The following KALRN variants were observed in gnomAD, a reference collection of about 807,000 sequenced individuals.
KALRN encodes the protein kalirin.
A neutral mutation model predicts 353.7 loss-of-function variants in KALRN; 70 were observed. That is an observed-to-expected ratio of 0.20 (90% CI 0.16 to 0.24). The LOEUF is 0.24. KALRN is among the 10% of genes least tolerant of loss of function. The probability of loss-of-function intolerance (pLI) is 1.00; values close to 1 mark genes in which losing one functional copy is unlikely to be tolerated. For missense variants in KALRN, 2,791 were observed against 3,756.7 expected (o/e 0.74, Z 6.72); for synonymous variants, 1,391 against 1,434.8 (o/e 0.97, Z 0.69).
intron 33 of KALRN, among the ~76,000 whole-genome samples, chr3:124,532,650 A>G (rs2068140284): frequency 6.6e-6 from 1 of 152,058 alleles, no homozygotes; most frequent in South Asian, 2.1e-4. Context: ...TACTAAAAAT[A>G]CAAAAAATTA....
chr3:124,122,651 G>A (rs1396816896), intron 1 of KALRN, among the ~76,000 whole-genome samples: 1 of 151,948 alleles, frequency 6.6e-6, no homozygotes, highest in African/African-American at 2.4e-5. Context: ...ATGATTGGGG[G>A]CACCACAAAC....
chr3:124,488,430 G>T, intron 29 of KALRN, 115 bp downstream of exon 29: 1 of 729,776 alleles, frequency 1.4e-6, no homozygotes, highest in Non-Finnish European at 2.4e-6. Flanking sequence ...GAAGAGAGAA[G>T]AAATGACAAG....
intron 5 of KALRN, among the ~76,000 whole-genome samples, chr3:124,286,829 C>T (rs987098469): frequency 1.3e-5 from 2 of 152,066 alleles, no homozygotes; most frequent in Admixed American, 6.6e-5. Flanking sequence ...CTTCTATAGA[C>T]AATTTTATTG....
At position 124,632,695 on chromosome 3, in the gene KALRN, G is replaced by A. The variant is rs768175968; in HGVS notation, c.5458G>A (p.Ala1820Thr). 41 of 1,613,644 alleles carry A rather than the reference G, an allele frequency of 2.5e-5. No individual in the cohort carries two copies. Among genetic ancestry groups the A allele is most frequent in the African/African-American group, 1.3e-4 (10 of 74,896 alleles). Residue 1820 changes from alanine (A) to threonine (T), a missense_variant, in exon 35 of 60, where the codon GCT becomes ACT. Ala to Thr is a moderately conservative substitution (Grantham distance 58). Around this residue, in one of 11 missense-constraint regions of KALRN, gnomAD observed 1,065 missense variants for 1,156.4 expected, o/e 0.92. Transcript: ENST00000682506. Reference sequence around the variant, plus strand: ...TGAAACAACCCCTCAGGGAGACAGCGCTGATGAGGTACTTACAGGGGGCCC... The same window carrying A: ...TGAAACAACCCCTCAGGGAGACAGCACTGATGAGGTACTTACAGGGGGCCC... ...GDETTPQGDS[A>T]DESKKGWGED...
At chr3:124,564,531 G>C (rs527349193) in intron 34 of KALRN, among the ~76,000 whole-genome samples, 7 of 152,036 alleles carry the variant, frequency 4.6e-5, no homozygotes, top group African/African-American at 1.7e-4. Context: ...AAAAATTTTA[G>C]CCAGGCATGG....
At chr3:124,448,293 C>T (rs746910927) in intron 21 of KALRN, among the ~76,000 whole-genome samples, 7 of 151,926 alleles carry the variant, frequency 4.6e-5, no homozygotes, top group Non-Finnish European at 8.8e-5. Flanking sequence ...TTGGTCTTTC[C>T]TTCCTTCCAA....
intron 55 of KALRN, 86 bp from the exon 56 acceptor site, chr3:124,699,783 A>C: frequency 7.6e-7 from 1 of 1,311,672 alleles, no homozygotes; most frequent in Non-Finnish European, 1.1e-6. Flanking sequence ...GAATGTGTCT[A>C]TTTTCCTGTC....
chr3:124,136,495 C>G (rs114614077), intron 1 of KALRN, among the ~76,000 whole-genome samples: 7 of 152,122 alleles, frequency 4.6e-5, no homozygotes, highest in Non-Finnish European at 8.8e-5. Flanking sequence ...AAGGTCCCCC[C>G]CCCATTGATT....
intron 29 of KALRN, 43 bp from the exon 30 acceptor site, chr3:124,490,651 G>A (rs771846839): frequency 1.3e-6 from 2 of 1,579,492 alleles, no homozygotes. Flanking sequence ...CCCTGACTGT[G>A]GCAGTAGAGA....
chr3:124,301,191 T>C (rs2077237505), intron 6 of KALRN, among the ~76,000 whole-genome samples: 1 of 152,238 alleles, frequency 6.6e-6, no homozygotes, highest in Non-Finnish European at 1.5e-5. Context: ...TTTTGAATTA[T>C]CTGTAATTAT....
Position 124,696,275 on chromosome 3 carries a change from C to A in KALRN, c.7699+20C>A. The A allele has an allele frequency of 1.2e-6, 2 of 1,610,660 alleles. No homozygotes were observed. Among genetic ancestry groups the A allele is most frequent in the South Asian group, 2.2e-5 (2 of 90,926 alleles). ...TGCAAGGTACAGCCTCTTTGTTAGT[C>A]AAACCTTTTGAAATATATATATATT... On this transcript the variant is annotated intron_variant, in intron 54 of 59. Transcript: ENST00000682506.
chr3:124,644,022 A>G (rs1166058067), intron 37 of KALRN, among the ~76,000 whole-genome samples: 1 of 152,214 alleles, frequency 6.6e-6, no homozygotes, highest in Non-Finnish European at 1.5e-5. Flanking sequence ...CAAAAATTCC[A>G]AATACAATTT....
chr3:124,115,383 T>G (rs1024707463), intron 1 of KALRN, among the ~76,000 whole-genome samples: 8 of 152,302 alleles, frequency 5.3e-5, no homozygotes, highest in Non-Finnish European at 7.4e-5. Context: ...GCACTGGTGT[T>G]AGGCAGGGCT....
intron 1 of KALRN, among the ~76,000 whole-genome samples, chr3:124,194,370 C>T (rs1179404561): frequency 6.6e-6 from 1 of 151,960 alleles, no homozygotes; most frequent in East Asian, 1.9e-4. Context: ...TGGTGTCAAG[C>T]ATACCTGGGT....
chr3:124,442,687 T>C (rs887556641), intron 19 of KALRN, among the ~76,000 whole-genome samples: 2 of 152,150 alleles, frequency 1.3e-5, no homozygotes, highest in African/African-American at 2.4e-5. Context: ...GTATGAAATA[T>C]AGAATCTCAG....
chr3:124,554,423 G>C (rs1176380055), intron 33 of KALRN, among the ~76,000 whole-genome samples: 1 of 152,126 alleles, frequency 6.6e-6, no homozygotes, highest in African/African-American at 2.4e-5. Flanking sequence ...CCATTTTCTG[G>C]AAAATTTCCT....
intron 1 of KALRN, among the ~76,000 whole-genome samples, chr3:124,213,532 A>G (rs1032908529): frequency 6.6e-6 from 1 of 152,078 alleles, no homozygotes; most frequent in Admixed American, 6.5e-5. Context: ...ATTTTTATCT[A>G]TTTGTTTTTA....
In KALRN at chr3:124,259,291, T is replaced by C. The variant is rs553371546; in HGVS notation, c.264-5207T>C. On this transcript the variant is annotated intron_variant, in intron 3 of 59. Transcript: ENST00000682506. ...GGGAGTATAACTGCCCAGGTTTCTC[T>C]TGGAGAAGCGTAGGCATCAGCTAAA... 5.9e-5 allele frequency among the ~76,000 whole-genome samples: 9 copies of C among 152,300 alleles called. No individual in the cohort carries two copies. In the East Asian group the frequency reaches 1.7e-3, roughly 29 times the overall value.
intron 33 of KALRN, among the ~76,000 whole-genome samples, chr3:124,542,457 C>T (rs1394710917): frequency 6.6e-6 from 1 of 152,170 alleles, no homozygotes; most frequent in African/African-American, 2.4e-5. Flanking sequence ...TCCCTCGAAG[C>T]ATAAAATATT....
Sources: gnomAD v4.1 joint callset for allele counts (sites outside exome capture counted in the v4.1 genomes callset) on GRCh38, gnomAD v4.1.1 for gene constraint, gnomAD v4.1.1 regional missense constraint, MANE v1.5 for transcripts, NCBI Gene and HGNC (gene_info 2026-07-23, HGNC 2026-07-21) for gene names.